Variants in CBL observed in about 807,000 individuals in gnomAD.
The protein encoded by CBL is E3 ubiquitin-protein ligase CBL.
In CBL, 45 loss-of-function variants were observed where a neutral mutation model predicts 96.9. The observed-to-expected ratio is 0.46, with a 90% confidence interval of 0.37 to 0.60. The LOEUF is 0.60. CBL is among the 20% of genes least tolerant of loss of function. CBL has a pLI of 0.00. For missense variants in CBL, 1,024 were observed against 1,143.5 expected (o/e 0.90, Z 1.51); for synonymous variants, 420 against 426.8 (o/e 0.98, Z 0.20).
chr11:119,225,343 C>T lies in CBL; in HGVS notation c.196-7105C>T, dbSNP rs78997359. On this transcript the variant is annotated intron_variant, in intron 1 of 15. Transcript: ENST00000264033. ...AACTCCTGACGTCAGGTGATTCTCC[C>T]GCCTTGGCCTCCCAAAGTGCTGGGA... Among the ~76,000 whole-genome samples the T allele has an allele frequency of 2.4e-4, 36 of 152,004 alleles. No homozygotes were observed. The East Asian group carries it at 3.3e-3, about 14-fold the overall frequency.
intron 1 of CBL, among the ~76,000 whole-genome samples, chr11:119,229,040 C>G (rs939180701): frequency 6.6e-6 from 1 of 152,072 alleles, no homozygotes; most frequent in African/African-American, 2.4e-5. Flanking sequence ...CACTTATCTC[C>G]TTTTCTCTTC....
chr11:119,228,435 G>C (rs1251586004), intron 1 of CBL, among the ~76,000 whole-genome samples: 1 of 152,048 alleles, frequency 6.6e-6, no homozygotes, highest in East Asian at 1.9e-4. Context: ...GTGAAACCCT[G>C]TCTCTACTAA....
intron 1 of CBL, among the ~76,000 whole-genome samples, chr11:119,222,746 ATTGT>A (rs1257070644): frequency 1.3e-5 from 2 of 151,956 alleles, no homozygotes; most frequent in Admixed American, 6.6e-5. Context: ...ATATAGGCAG[ATTGT>A]TTGGGTTTTT....
chr11:119,299,624 C>T lies in CBL; in HGVS notation c.2564C>T (p.Pro855Leu). 3 of 1,614,204 alleles carry T rather than the reference C, an allele frequency of 1.9e-6. No individual in the cohort carries two copies. The highest frequency in any genetic ancestry group is 2.2e-5 in the South Asian group (2 of 91,080). ...GPAASAATAS[P>L]QLSSEIENLM... is the part of the protein sequence containing the mutation. ...GCCGCCTCTGCTGCCACCGCCTCAC[C>T]TCAGCTCTCCAGTGAGATCGAGAAC... The change falls in exon 16 of 16, where the codon CCT becomes CTT. Residue 855 changes from proline (P) to leucine (L), a missense_variant. By Grantham distance (98) the Pro-to-Leu change is moderately conservative. Around this residue, in one of 4 missense-constraint regions of CBL, gnomAD observed 695 missense variants for 661.6 expected, o/e 1.05. Transcript: ENST00000264033.
Position 119,301,608 on chromosome 11 carries a change from G to T in CBL, c.*1827G>T, listed in dbSNP as rs1180281588. 2 of 233,124 alleles carry T rather than the reference G, an allele frequency of 8.6e-6. No individual in the cohort carries two copies. Among genetic ancestry groups the T allele is most frequent in the Admixed American group, 1.1e-4 (2 of 17,772 alleles). The allele number at this position is 233,124 out of a possible 1,614,324, so 14.4% of individuals were successfully genotyped here. A position where few individuals can be genotyped will look rare whatever the true frequency, so the allele number is the denominator to read the frequency against. ...CATTCAGCTACTCCTAGATCTTTTG[G>T]TTTTATCCCCTGGCCTCAGAGCCAT... On this transcript the variant is annotated 3_prime_UTR_variant, in exon 16 of 16. Coordinates refer to ENST00000264033, the MANE Select transcript of CBL (RefSeq NM_005188.4).
intron 1 of CBL, among the ~76,000 whole-genome samples, chr11:119,225,080 G>A (rs1449311903): frequency 3.3e-5 from 5 of 151,162 alleles, no homozygotes; most frequent in South Asian, 2.1e-4. Flanking sequence ...GTGTGCGCGC[G>A]CTTGTATGTA....
At chr11:119,269,997 A>T (rs1283580080) in intron 2 of CBL, among the ~76,000 whole-genome samples, 2 of 151,594 alleles carry the variant, frequency 1.3e-5, no homozygotes, top group Non-Finnish European at 1.5e-5. Context: ...ACTCCGTCTC[A>T]AAATAAATAA....
chr11:119,304,213 C>T lies in CBL; in HGVS notation c.*4432C>T. On this transcript the variant is annotated 3_prime_UTR_variant, in exon 16 of 16. Coordinates refer to ENST00000264033, the MANE Select transcript of CBL (RefSeq NM_005188.4). ...AGAAGCTCAATCTAAAATACTGTAACTCAGCATAAACTATTACTATCACTC... is the reference window on the plus strand; with the variant it reads ...AGAAGCTCAATCTAAAATACTGTAATTCAGCATAAACTATTACTATCACTC... 4.3e-6 allele frequency: 1 copy of T among 233,316 alleles called. No homozygotes were observed. The highest frequency in any genetic ancestry group is 6.0e-5 in the East Asian group (1 of 16,592). The allele number at this position is 233,316 out of a possible 1,614,324, so 14.5% of individuals were successfully genotyped here.
intron 1 of CBL, among the ~76,000 whole-genome samples, chr11:119,218,817 G>GA (rs1441651066): frequency 3.3e-5 from 5 of 152,158 alleles, no homozygotes; most frequent in Admixed American, 1.3e-4. Context: ...AGAAAAGCCA[G>GA]AAAATGCCTT....
intron 9 of CBL, among the ~76,000 whole-genome samples, chr11:119,279,689 C>T (rs1453671702): frequency 6.6e-6 from 1 of 152,082 alleles, no homozygotes; most frequent in Non-Finnish European, 1.5e-5. Flanking sequence ...TGTAGTGTGA[C>T]TTATTTCTGT....
At chr11:119,271,659 C>A in intron 2 of CBL, 76 bp from the exon 3 acceptor site, 1 of 1,198,148 alleles carries the variant, frequency 8.3e-7, no homozygotes, top group Non-Finnish European at 1.2e-6. Flanking sequence ...AATTATACAT[C>A]TTGTATGGTG....
Position 119,266,802 on chromosome 11 carries a change from C to A in CBL, c.444-4933C>A, listed in dbSNP as rs186655314. Among the ~76,000 whole-genome samples, 275 of 152,256 alleles carry A rather than the reference C, an allele frequency of 1.8e-3. 1 individual carries two copies. Among genetic ancestry groups the A allele is most frequent in the Non-Finnish European group, 2.7e-3 (181 of 68,008 alleles). Reference sequence around the variant, plus strand: ...AGGCGAATGACCTCCTTCCTCAGCACTGTGTTACTGGGTTAGAGAAAAGCC... The same window carrying A: ...AGGCGAATGACCTCCTTCCTCAGCAATGTGTTACTGGGTTAGAGAAAAGCC... On this transcript the variant is annotated intron_variant, in intron 2 of 15. Coordinates refer to ENST00000264033, the MANE Select transcript of CBL (RefSeq NM_005188.4).
intron 2 of CBL, among the ~76,000 whole-genome samples, chr11:119,243,113 A>G (rs956759960): frequency 1.3e-5 from 2 of 152,094 alleles, no homozygotes; most frequent in African/African-American, 2.4e-5. Flanking sequence ...CCTCGTCTCT[A>G]CTAAAAATAC....
chr11:119,306,693 C>A lies in CBL; in HGVS notation c.*6912C>A. The A allele has an allele frequency of 3.8e-6, 1 of 266,396 alleles. No individual in the cohort carries two copies. The highest frequency in any genetic ancestry group is 7.1e-6 in the Non-Finnish European group (1 of 140,520). 16.5% of individuals were successfully genotyped at this position (266,396 alleles called of 1,614,324 possible). On this transcript the variant is annotated 3_prime_UTR_variant, in exon 16 of 16. Coordinates refer to ENST00000264033, the MANE Select transcript of CBL (RefSeq NM_005188.4). ...TGTTGTCTTCCATGGCCTGTTTCTC[C>A]TGCTGTCTGGGTGAGTGAGCCTGCA...
intron 2 of CBL, among the ~76,000 whole-genome samples, chr11:119,270,436 A>ATATTTTTTT (rs1565870008): frequency 1.0e-4 from 4 of 38,662 alleles, no homozygotes; most frequent in Non-Finnish European, 1.7e-4. Context: ...ATATATATAT[A>ATATTTTTTT]TTTTTTTTTT....
intron 1 of CBL, among the ~76,000 whole-genome samples, chr11:119,212,982 G>GA (rs960899322): frequency 0.022 from 2,669 of 121,260 alleles, 41 homozygotes; most frequent in African/African-American, 0.065. Context: ...CAAAAAAAAA[G>GA]AAAAAAAAAA....
At position 119,305,111 on chromosome 11, in the gene CBL, T is replaced by G. The variant is rs1432279383; in HGVS notation, c.*5330T>G. The G allele has an allele frequency of 9.0e-6, 2 of 221,632 alleles. No individual in the cohort carries two copies. Among genetic ancestry groups the G allele is most frequent in the Non-Finnish European group, 1.8e-5 (2 of 110,770 alleles). 13.7% of individuals were successfully genotyped at this position (221,632 alleles called of 1,614,324 possible). The stretch of plus-strand genomic sequence containing the variant: ...CCTAAAAAGGCTTCTACTCAAGAAG[T>G]AAAGCCACTACTCCTGCCTTTTTGC... On this transcript the variant is annotated 3_prime_UTR_variant, in exon 16 of 16. Transcript: ENST00000264033.
At chr11:119,238,108 G>A (rs1949558826) in intron 2 of CBL, among the ~76,000 whole-genome samples, 1 of 152,078 alleles carries the variant, frequency 6.6e-6, no homozygotes, top group African/African-American at 2.4e-5. Context: ...CTGACCTCAA[G>A]TGATCTGCCC....
chr11:119,295,610 C>T (rs1248654543), intron 12 of CBL, among the ~76,000 whole-genome samples: 1 of 151,982 alleles, frequency 6.6e-6, no homozygotes, highest in African/African-American at 2.4e-5. Context: ...ATGTCTAGTC[C>T]CACCTACTGA....
Sources: gnomAD v4.1 joint callset for allele counts (sites outside exome capture counted in the v4.1 genomes callset) on GRCh38, gnomAD v4.1.1 for gene constraint, gnomAD v4.1.1 regional missense constraint, MANE v1.5 for transcripts, NCBI Gene and HGNC (gene_info 2026-07-23, HGNC 2026-07-21) for gene names.